Variants in ANKRD36C observed in about 807,000 individuals in gnomAD.
ANKRD36C encodes the protein ankyrin repeat domain-containing protein 36C.
In ANKRD36C, 61 loss-of-function variants were observed where a neutral mutation model predicts 276.4. The ratio of observed to expected loss-of-function variants is 0.22; its 90% CI spans 0.18 to 0.27. The LOEUF is 0.27. ANKRD36C is among the 10% of genes least tolerant of loss of function. The probability of loss-of-function intolerance (pLI) is 1.00; values close to 1 mark genes in which losing one functional copy is unlikely to be tolerated. For missense variants in ANKRD36C, 1,447 were observed against 2,032.3 expected (o/e 0.71, Z 5.54); for synonymous variants, 483 against 680.1 (o/e 0.71, Z 4.51).
intron 52 of ANKRD36C, 41 bp downstream of exon 72, chr2:95,886,007 T>A (rs758316982): frequency 6.3e-7 from 1 of 1,577,852 alleles, no homozygotes; most frequent in Non-Finnish European, 8.6e-7. Flanking sequence ...ATTTCTCTTC[T>A]ATTTGATCGA....
chr2:95,894,025 C>A (rs190242046), intron 44 of ANKRD36C, among the ~76,000 whole-genome samples: 3,767 of 151,552 alleles, frequency 0.025, 84 homozygotes, highest in Admixed American at 0.063. Flanking sequence ...CAAATGTGAT[C>A]TAAAATCAGA....
Position 95,889,946 on chromosome 2 carries a change from A to G in ANKRD36C, c.2886+20T>C, listed in dbSNP as rs1676298150. 1 of 1,609,824 alleles carries G rather than the reference A, an allele frequency of 6.2e-7. No individual in the cohort carries two copies. On this transcript the variant is annotated intron_variant, in intron 47 of 66. Coordinates refer to ENST00000456556, the Ensembl canonical transcript of ANKRD36C. ...GACTATACAGTTAATAGTTCAAAAT[A>G]TAAATGAGAGTTTAATTACCTTCAA...
At chr2:95,855,012 C>T (rs79336651) in intron 63 of ANKRD36C, among the ~76,000 whole-genome samples, 2,659 of 152,216 alleles carry the variant, frequency 0.017, 35 homozygotes, top group Middle Eastern at 0.031. Context: ...TATAAGACTA[C>T]ATTATTAATG....
chr2:95,902,953 T>A, intron 42 of ANKRD36C: 1 of 1,590,064 alleles, frequency 6.3e-7, no homozygotes, highest in Non-Finnish European at 8.6e-7. Context: ...TCTCGTCTCT[T>A]GTAGCCTGAA....
intron 28 of ANKRD36C, among the ~76,000 whole-genome samples, chr2:95,926,333 A>C (rs879769049): frequency 2.0e-5 from 3 of 151,656 alleles, no homozygotes; most frequent in Non-Finnish European, 4.4e-5. Context: ...AAATCCCTCC[A>C]ATATTCATTG....
intron 59 of ANKRD36C, among the ~76,000 whole-genome samples, chr2:95,874,114 T>C (rs1413090845): frequency 1.3e-5 from 2 of 152,108 alleles, no homozygotes; most frequent in Admixed American, 1.3e-4. Flanking sequence ...CAAGGTAATT[T>C]ATAGATTCAA....
At chr2:95,987,273 T>C in intron 1 of ANKRD36C, 67 bp from the exon 2 acceptor site, 3 of 1,482,494 alleles carry the variant, frequency 2.0e-6, no homozygotes, top group Non-Finnish European at 2.7e-6. Context: ...TATTTCTCTG[T>C]CTTCAAAACA....
At chr2:95,923,680 T>C (rs570410219) in exon 31 of ANKRD36C, 10 of 1,610,598 alleles carry the variant, frequency 6.2e-6, no homozygotes, top group South Asian at 5.5e-5. Flanking sequence ...TGGTTGTTTC[T>C]GAGAAGACAC....
At chr2:95,945,262 A>G in intron 17 of ANKRD36C, 88 bp from the exon 18 acceptor site, 2 of 1,139,744 alleles carry the variant, frequency 1.8e-6, no homozygotes, top group Admixed American at 4.0e-5. Flanking sequence ...ATCTAACACA[A>G]AAAGGATGGA....
intron 3 of ANKRD36C, among the ~76,000 whole-genome samples, chr2:95,984,946 T>A (rs2918833): frequency 6.6e-6 from 1 of 152,218 alleles, no homozygotes; most frequent in Non-Finnish European, 1.5e-5. Context: ...TTATGCCACA[T>A]TTCTAGGTAC....
At chr2:95,985,918 G>C (rs1679017554) in intron 3 of ANKRD36C, among the ~76,000 whole-genome samples, 2 of 151,888 alleles carry the variant, frequency 1.3e-5, no homozygotes, top group Non-Finnish European at 2.9e-5. Flanking sequence ...GTAGAGTTTA[G>C]ATGCTTATCT....
chr2:95,856,732 T>A (rs974985572), intron 62 of ANKRD36C, among the ~76,000 whole-genome samples: 2 of 152,198 alleles, frequency 1.3e-5, no homozygotes, highest in Non-Finnish European at 2.9e-5. Flanking sequence ...TAAGCACTTT[T>A]ACACGCACAA....
chr2:95,967,248 T>C (rs1678610646), intron 6 of ANKRD36C, among the ~76,000 whole-genome samples: 1 of 152,196 alleles, frequency 6.6e-6, no homozygotes, highest in Non-Finnish European at 1.5e-5. Context: ...TCTGTCCATC[T>C]GACAAAGGCC....
intron 6 of ANKRD36C, among the ~76,000 whole-genome samples, chr2:95,968,560 C>T (rs1003409118): frequency 1.3e-5 from 2 of 152,188 alleles, no homozygotes; most frequent in African/African-American, 2.4e-5. Flanking sequence ...TGATGTTCCT[C>T]TTCTCTCACA....
At chr2:95,957,338 T>C (rs1474606188) in intron 12 of ANKRD36C, among the ~76,000 whole-genome samples, 7 of 152,306 alleles carry the variant, frequency 4.6e-5, no homozygotes, top group Non-Finnish European at 1.0e-4. Flanking sequence ...TCATGCTCTT[T>C]GACTTGCCTG....
At chr2:95,868,379 T>C (rs1675726596) in intron 59 of ANKRD36C, among the ~76,000 whole-genome samples, 3 of 151,934 alleles carry the variant, frequency 2.0e-5, no homozygotes, top group Admixed American at 2.0e-4. Context: ...TTGAGGCATA[T>C]GTCCGATGTT....
At chr2:95,930,732 CT>C (rs909599903) in intron 24 of ANKRD36C, among the ~76,000 whole-genome samples, 3 of 150,692 alleles carry the variant, frequency 2.0e-5, no homozygotes, top group South Asian at 2.1e-4. Flanking sequence ...TCTTTGATTC[CT>C]TTTTTTTAAA....
intron 24 of ANKRD36C, among the ~76,000 whole-genome samples, chr2:95,930,196 C>T (rs1294465042): frequency 6.6e-6 from 1 of 151,562 alleles, no homozygotes; most frequent in African/African-American, 2.4e-5. Flanking sequence ...CCTTGAAAAA[C>T]AAAGCCAATG....
intron 14 of ANKRD36C, among the ~76,000 whole-genome samples, chr2:95,953,646 A>G (rs200166245): frequency 2.5e-5 from 3 of 118,514 alleles, no homozygotes; most frequent in African/African-American, 9.3e-5. Context: ...AAATTTGTAT[A>G]TCCTCTACTG....
Sources: allele counts gnomAD v4.1 joint callset (sites outside exome capture counted in the v4.1 genomes callset), GRCh38; gene constraint gnomAD v4.1.1; transcripts MANE v1.5; gene names NCBI Gene and HGNC (gene_info 2026-07-23, HGNC 2026-07-21).